Variants in SMYD2 observed in about 807,000 individuals in gnomAD.
SMYD2 encodes SET and MYND domain containing 2.
SMYD2 carries 53 observed loss-of-function variants against 59.1 expected under a neutral mutation model. The ratio of observed to expected loss-of-function variants is 0.90; its 90% CI spans 0.72 to 1.13. SMYD2 has a LOEUF of 1.13. Ranked by LOEUF, SMYD2 falls within the 50% of genes most tolerant of loss-of-function variation. SMYD2 has a pLI of 0.00. For synonymous variants in SMYD2, 208 were observed against 198.8 expected (o/e 1.05, Z -0.39); for missense variants, 494 against 544.7 (o/e 0.91, Z 0.93).
intron 1 of SMYD2, among the ~76,000 whole-genome samples, chr1:214,304,581 A>AAAAAAAAAC (rs1656886803): frequency 6.6e-5 from 10 of 151,392 alleles, no homozygotes; most frequent in Non-Finnish European, 8.8e-5. Flanking sequence ...AAAAAAAAAA[A>AAAAAAAAAC]AGCATCTATC....
At chr1:214,297,190 A>G (rs900874000) in intron 1 of SMYD2, among the ~76,000 whole-genome samples, 2 of 152,182 alleles carry the variant, frequency 1.3e-5, no homozygotes, top group African/African-American at 2.4e-5. Context: ...GGCCCAACAC[A>G]TACCAATTGA....
chr1:214,336,130 T>C (rs1216150338), intron 11 of SMYD2, among the ~76,000 whole-genome samples: 2 of 150,068 alleles, frequency 1.3e-5, no homozygotes, highest in Non-Finnish European at 3.0e-5. Flanking sequence ...GAGAATGTCA[T>C]GAAATCAGTT....
chr1:214,309,386 G>A (rs760107543), intron 2 of SMYD2, among the ~76,000 whole-genome samples: 2 of 152,124 alleles, frequency 1.3e-5, no homozygotes, highest in Non-Finnish European at 2.9e-5. Flanking sequence ...CCCATAAATT[G>A]TACCAGGATA....
intron 1 of SMYD2, among the ~76,000 whole-genome samples, chr1:214,284,458 C>T (rs1472183558): frequency 6.6e-6 from 1 of 151,766 alleles, no homozygotes. Flanking sequence ...CAGGGTTTCT[C>T]CATGTTGGTC....
At chr1:214,300,681 C>T (rs12725062) in intron 1 of SMYD2, among the ~76,000 whole-genome samples, 22,676 of 152,142 alleles carry the variant, frequency 0.15, 1,723 homozygotes, top group Middle Eastern at 0.2. Flanking sequence ...ATTGTCACAG[C>T]ACTCAAGGAA....
chr1:214,309,749 ACT>A (rs2102465730), intron 2 of SMYD2, among the ~76,000 whole-genome samples: 1 of 152,076 alleles, frequency 6.6e-6, no homozygotes, highest in South Asian at 2.1e-4. Context: ...AATTTGGGCC[ACT>A]CTTTTTTTCT....
chr1:214,301,356 T>C (rs1656820876), intron 1 of SMYD2, among the ~76,000 whole-genome samples: 1 of 152,200 alleles, frequency 6.6e-6, no homozygotes, highest in African/African-American at 2.4e-5. Context: ...AGAAGCCATA[T>C]TGTGAACTTT....
At chr1:214,310,131 G>A (rs1571926652) in intron 2 of SMYD2, among the ~76,000 whole-genome samples, 1 of 152,216 alleles carries the variant, frequency 6.6e-6, no homozygotes, top group African/African-American at 2.4e-5. Flanking sequence ...TATTTGCTCA[G>A]CAGAAAACTG....
At position 214,332,113 on chromosome 1, in the gene SMYD2, C is replaced by T; in HGVS notation, c.1033C>T (p.Gln345Ter). The change falls in exon 10 of 12, where the codon CAG becomes TAG. Residue 345 changes from glutamine to a stop codon, truncating the protein, a stop_gained. Coordinates refer to ENST00000366957, the MANE Select transcript of SMYD2 (RefSeq NM_020197.3). LOFTEE classifies it high-confidence loss of function. ...CGTGTACATGTTGCACATGATGTAC[C>T]AGGCCATGGGTGTCTGCTTGTACAT... ...SNVYMLHMMYQAMGVCLYMQD... is the reference protein window; with the variant it reads ...SNVYMLHMMY The T allele has an allele frequency of 6.2e-7, 1 of 1,614,150 alleles. No homozygotes were observed. Among genetic ancestry groups the T allele is most frequent in the Non-Finnish European group, 8.5e-7 (1 of 1,180,040 alleles).
intron 1 of SMYD2, 36 bp from the exon 2 acceptor site, chr1:214,305,151 G>T (rs1199530140): frequency 6.3e-7 from 1 of 1,595,552 alleles, no homozygotes; most frequent in Non-Finnish European, 8.6e-7. Flanking sequence ...ACGTTTCTGT[G>T]TCTGTCACCA....
chr1:214,336,359 C>T (rs1021638519), intron 11 of SMYD2, among the ~76,000 whole-genome samples: 13 of 152,204 alleles, frequency 8.5e-5, no homozygotes, highest in African/African-American at 1.9e-4. Flanking sequence ...AGTGAAACCC[C>T]GTGTCTACTA....
At chr1:214,298,711 C>A (rs751918918) in intron 1 of SMYD2, among the ~76,000 whole-genome samples, 1 of 152,078 alleles carries the variant, frequency 6.6e-6, no homozygotes, top group Non-Finnish European at 1.5e-5. Context: ...CAAGTAACCC[C>A]GTTAAAAAGT....
At chr1:214,315,454 G>A (rs1657070234) in intron 3 of SMYD2, among the ~76,000 whole-genome samples, 1 of 152,168 alleles carries the variant, frequency 6.6e-6, no homozygotes, top group African/African-American at 2.4e-5. Flanking sequence ...GAAAGAAAGA[G>A]GTGCCCTTGA....
intron 2 of SMYD2, among the ~76,000 whole-genome samples, chr1:214,313,185 C>G: frequency 6.6e-6 from 1 of 152,102 alleles, no homozygotes; most frequent in East Asian, 1.9e-4. Flanking sequence ...GGTGCACTCT[C>G]GGCTCACTGC....
intron 9 of SMYD2, chr1:214,331,399 G>T: frequency 3.9e-6 from 1 of 256,786 alleles, no homozygotes; most frequent in Non-Finnish European, 7.7e-6. Flanking sequence ...GCTTATTTCA[G>T]CTCTCCTCAC....
intron 2 of SMYD2, among the ~76,000 whole-genome samples, chr1:214,313,041 G>A (rs556872557): frequency 1.3e-3 from 205 of 152,202 alleles, no homozygotes; most frequent in Non-Finnish European, 2.5e-3. Context: ...AGAGACAGAG[G>A]ATTTGCCAGA....
At chr1:214,332,824 C>T (rs1264420428) in intron 10 of SMYD2, 1 of 152,538 alleles carries the variant, frequency 6.6e-6, no homozygotes, top group Admixed American at 6.5e-5. Context: ...GGACTAGACA[C>T]TTCAGGGCTG....
At chr1:214,317,062 C>CT (rs1436187017) in intron 3 of SMYD2, among the ~76,000 whole-genome samples, 2 of 152,096 alleles carry the variant, frequency 1.3e-5, no homozygotes, top group Non-Finnish European at 2.9e-5. Context: ...GGCTGGTAGA[C>CT]TTTCCTGAAT....
At chr1:214,283,561 C>T (rs1472259161) in intron 1 of SMYD2, among the ~76,000 whole-genome samples, 1 of 152,184 alleles carries the variant, frequency 6.6e-6, no homozygotes. Flanking sequence ...TCTATTAAAT[C>T]TGAATCATTT....
Sources: allele counts gnomAD v4.1 joint callset (sites outside exome capture counted in the v4.1 genomes callset), GRCh38; gene constraint gnomAD v4.1.1; transcripts MANE v1.5; gene names NCBI Gene and HGNC (gene_info 2026-07-23, HGNC 2026-07-21).